Variants in KIF20A observed in about 807,000 individuals in gnomAD.
The protein encoded by KIF20A is kinesin-like protein KIF20A.
KIF20A carries 66 observed loss-of-function variants against 113.0 expected under a neutral mutation model. The ratio of observed to expected loss-of-function variants is 0.58; its 90% CI spans 0.48 to 0.72. The LOEUF is 0.72. Ranked by LOEUF, KIF20A falls within the 30% of genes least tolerant of loss-of-function variation. The probability of loss-of-function intolerance (pLI) is 0.00; values close to 1 mark genes in which losing one functional copy is unlikely to be tolerated. For synonymous variants in KIF20A, 376 were observed against 402.3 expected (o/e 0.93, Z 0.78); for missense variants, 927 against 1,077.6 (o/e 0.86, Z 1.96).
rs1234452927 is a variant in KIF20A at position 138,181,529 on chromosome 5, G to A, written c.255+18G>A. 1 of 1,614,056 alleles carries A rather than the reference G, an allele frequency of 6.2e-7. No individual in the cohort carries two copies. The highest frequency in any genetic ancestry group is 1.1e-5 in the South Asian group (1 of 91,078). Reference sequence around the variant, plus strand: ...AAGATCAGGTAAGTGTCTGAGAAGGGAGGATTCAAGGTGAAATGATGCAGT... The same window carrying A: ...AAGATCAGGTAAGTGTCTGAGAAGGAAGGATTCAAGGTGAAATGATGCAGT... On this transcript the variant is annotated intron_variant, in intron 3 of 18. Coordinates refer to ENST00000394894, the MANE Select transcript of KIF20A (RefSeq NM_005733.3).
chr5:138,179,605 G>A, intron 1 of KIF20A, 55 bp from the exon 2 acceptor site: 1 of 1,504,308 alleles, frequency 6.6e-7, no homozygotes, highest in Non-Finnish European at 9.2e-7. Context: ...AAAATTCGCG[G>A]CCCCTTCTGT....
chr5:138,184,598 A>G lies in KIF20A; in HGVS notation c.1605A>G (p.Leu535=). 1 of 1,614,184 alleles carries G rather than the reference A, an allele frequency of 6.2e-7. No homozygotes were observed. Among genetic ancestry groups the G allele is most frequent in the Non-Finnish European group, 8.5e-7 (1 of 1,180,018 alleles). ...KEHSLQVSPS[L]EKGAKADTGL... is the part of the protein sequence containing the mutation. ...ATAGTCTTCAGGTATCCCCCAGCTTAGAGAAAGGGGCTAAGGCAGACACAG... is the reference window on the plus strand; with the variant it reads ...ATAGTCTTCAGGTATCCCCCAGCTTGGAGAAAGGGGCTAAGGCAGACACAG... Residue 535 remains leucine (L), a synonymous_variant, in exon 13 of 19, where the codon TTA becomes TTG. Coordinates refer to ENST00000394894, the MANE Select transcript of KIF20A (RefSeq NM_005733.3).
At chr5:138,182,240 G>C in intron 4 of KIF20A, 83 bp from the exon 5 acceptor site, 1 of 1,497,112 alleles carries the variant, frequency 6.7e-7, no homozygotes, top group Middle Eastern at 2.2e-4. Context: ...CAACCACTCA[G>C]GAAGGAATAT....
rs1404550736 is a variant in KIF20A at position 138,182,603 on chromosome 5, G to GGTACCTGGA, written c.533_534insTACCTGGAG (p.Gly178_Ile179insThrTrpArg). 6.2e-7 allele frequency: 1 copy of GGTACCTGGA among 1,614,080 alleles called. No homozygotes were observed. The highest frequency in any genetic ancestry group is 2.2e-5 in the East Asian group (1 of 44,894). ...GCCTCCAGGTACCATCAAGGATGGA[G>GGTACCTGGA]GGATTCTCCCCCGGTCCCTGGCGCT... On this transcript the variant is annotated inframe_insertion, in exon 6 of 19. Transcript: ENST00000394894.
chr5:138,183,922 C>T lies in KIF20A; in HGVS notation c.1209-40C>T, dbSNP rs1443029261. 2.5e-6 allele frequency: 4 copies of T among 1,612,772 alleles called. No homozygotes were observed. The African/African-American group carries it at 5.3e-5, about 22-fold the overall frequency. On this transcript the variant is annotated intron_variant, in intron 10 of 18. Coordinates refer to ENST00000394894, the MANE Select transcript of KIF20A (RefSeq NM_005733.3). This position sits in a 1 kb window ranked among gnomAD's most constrained non-coding sequence, Gnocchi z 5.2. The stretch of plus-strand genomic sequence containing the variant: ...ATACAAAGGGCCAGAAGGCTCATAA[C>T]ATGTGAGGCCCTTATGTCAGATCCT...
intron 15 of KIF20A, 129 bp from the exon 16 acceptor site, chr5:138,185,383 A>G: frequency 1.1e-6 from 1 of 932,160 alleles, no homozygotes; most frequent in Non-Finnish European, 1.7e-6. Flanking sequence ...GTTGGCCAGG[A>G]AATCGTATTA....
At chr5:138,185,291 G>A (rs1754726349) in intron 15 of KIF20A, 94 bp downstream of exon 15, 1 of 905,360 alleles carries the variant, frequency 1.1e-6, no homozygotes, top group African/African-American at 1.7e-5. Flanking sequence ...TCCAGTAAGG[G>A]CAGGAATATA....
intron 2 of KIF20A, among the ~76,000 whole-genome samples, chr5:138,180,114 T>G (rs1453297353): frequency 6.6e-6 from 1 of 152,240 alleles, no homozygotes; most frequent in Non-Finnish European, 1.5e-5. Flanking sequence ...TGCTCTTAGT[T>G]AATCTTTCAG....
At position 138,187,285 on chromosome 5, in the gene KIF20A, T is replaced by A. The variant is rs749678451; in HGVS notation, c.2545T>A (p.Phe849Ile). The A allele has an allele frequency of 6.2e-7, 1 of 1,614,002 alleles. No homozygotes were observed. Among genetic ancestry groups the A allele is most frequent in the African/African-American group, 1.3e-5 (1 of 74,920 alleles). Residue 849 changes from phenylalanine to isoleucine, a missense_variant, in exon 19 of 19, where the codon TTC becomes ATC. Phe to Ile is a conservative substitution (Grantham distance 21). Coordinates refer to ENST00000394894, the MANE Select transcript of KIF20A (RefSeq NM_005733.3). Reference protein sequence around the residue: ...PNQQPPGKKPFLRNLLPRTPT... With the variant: ...PNQQPPGKKPILRNLLPRTPT... ...CCAACAACCACCAGGGAAGAAACCA[T>A]TCCTTCGAAATTTACTTCCCCGAAC...
chr5:138,185,625 G>A lies in KIF20A; in HGVS notation c.2040G>A (p.Leu680=). 1 of 1,614,172 alleles carries A rather than the reference G, an allele frequency of 6.2e-7. No individual in the cohort carries two copies. Among genetic ancestry groups the A allele is most frequent in the South Asian group, 1.1e-5 (1 of 91,086 alleles). Residue 680 remains leucine, a synonymous_variant, in exon 16 of 19, where the codon TTG becomes TTA. Coordinates refer to ENST00000394894, the MANE Select transcript of KIF20A (RefSeq NM_005733.3). The part of the protein sequence containing the change: ...SELALRRSQR[L]AASASTQQLQ... The stretch of plus-strand genomic sequence containing the variant: ...TGGCCCTACGGCGGTCACAAAGGTT[G>A]GCAGCTTCTGCCTCCACCCAGCAGC...
Position 138,186,281 on chromosome 5 carries a change from T to C in KIF20A, c.2218-13T>C. The C allele has an allele frequency of 3.8e-6, 6 of 1,585,510 alleles. No individual in the cohort carries two copies. Among genetic ancestry groups the C allele is most frequent in the Non-Finnish European group, 5.1e-6 (6 of 1,171,412 alleles). On this transcript the variant is annotated splice_polypyrimidine_tract_variant and intron_variant, in intron 17 of 18. Transcript: ENST00000394894. ...TCTTGGCCACAATATGATTCCTACT[T>C]CCCCTTTTTCAGAATATAAGGCTGT... is the stretch of plus-strand genomic sequence containing the variant.
rs1217707632 is a variant in KIF20A, at chr5:138,181,404, G to A, written c.166-18G>A. ...TGCTGAAATTAATCTGTGGTTCTGG[G>A]CTGGGATTCTGCCACAGGTTCCATC... is the stretch of plus-strand genomic sequence containing the variant. On this transcript the variant is annotated intron_variant, in intron 2 of 18. Coordinates refer to ENST00000394894, the MANE Select transcript of KIF20A (RefSeq NM_005733.3). 6.2e-7 allele frequency: 1 copy of A among 1,609,630 alleles called. No individual in the cohort carries two copies. The highest frequency in any genetic ancestry group is 8.5e-7 in the Non-Finnish European group (1 of 1,175,916).
intron 13 of KIF20A, 22 bp downstream of exon 13, chr5:138,184,698 A>G: frequency 1.2e-6 from 2 of 1,612,578 alleles, no homozygotes; most frequent in African/African-American, 2.7e-5. Context: ...AGAAAGCTTT[A>G]GTGTAGCAGC....
chr5:138,184,028 G>A lies in KIF20A; in HGVS notation c.1275G>A (p.Lys425=). Residue 425 remains lysine (K), a synonymous_variant, in exon 11 of 19, where the codon AAG becomes AAA. Coordinates refer to ENST00000394894, the MANE Select transcript of KIF20A (RefSeq NM_005733.3). ...ATCAGAAGAGTGGTGAACGGTTGAA[G>A]GAAGCAGGAAACATTAACACCTCTC... ...CKDQKSGERL[K]EAGNINTSLH... 1 of 1,614,156 alleles carries A rather than the reference G, an allele frequency of 6.2e-7. No individual in the cohort carries two copies. Among genetic ancestry groups the A allele is most frequent in the East Asian group, 2.2e-5 (1 of 44,872 alleles).
In KIF20A at chr5:138,183,293, G is replaced by T. The variant is rs369402135; in HGVS notation, c.957G>T (p.Pro319=). 29 of 1,614,062 alleles carry T rather than the reference G, an allele frequency of 1.8e-5. No homozygotes were observed. Among genetic ancestry groups the T allele is most frequent in the Non-Finnish European group, 2.4e-5 (28 of 1,180,032 alleles). Residue 319 remains proline, a synonymous_variant, in exon 8 of 19, where the codon CCG becomes CCT. Coordinates refer to ENST00000394894, the MANE Select transcript of KIF20A (RefSeq NM_005733.3). The surrounding 1 kb of genome is among the most constrained non-coding windows in gnomAD (Gnocchi z 5.2). ...AACTGCTTTATGACCTATTAGAACC[G>T]CCTAGCCAACAGCGCAAGAGGCAGA... is the stretch of plus-strand genomic sequence containing the variant. The part of the protein sequence containing the change: ...YNELLYDLLE[P]PSQQRKRQTL...
In KIF20A at chr5:138,185,997, C is replaced by T; in HGVS notation, c.2162C>T (p.Pro721Leu). The change falls in exon 17 of 19, where the codon CCC becomes CTC. Residue 721 changes from proline to leucine, a missense_variant. Pro to Leu is a moderately conservative substitution (Grantham distance 98). Transcript: ENST00000394894. ...HKYQKMLEPP[P>L]SAKPFTIDVD... is the part of the protein sequence containing the mutation. ...TATCAGAAAATGTTAGAACCACCAC[C>T]CTCAGCCAAGCCCTTCACCATTGAT... 3.7e-6 allele frequency: 6 copies of T among 1,614,130 alleles called. No individual in the cohort carries two copies. Among genetic ancestry groups the T allele is most frequent in the Non-Finnish European group, 5.1e-6 (6 of 1,180,002 alleles).
chr5:138,182,811 T>C, intron 6 of KIF20A, 38 bp downstream of exon 6: 1 of 1,613,514 alleles, frequency 6.2e-7, no homozygotes, highest in South Asian at 1.1e-5. Context: ...GGGTAGGGGG[T>C]ACAAATCTCG....
In KIF20A at chr5:138,187,421, G is replaced by A; in HGVS notation, c.*8G>A. ...TTTGGCAAAAAGTACTAAGGCTGTG[G>A]GGAAAGAGAAGAGCAGTCATGGCCC... On this transcript the variant is annotated 3_prime_UTR_variant, in exon 19 of 19. Coordinates refer to ENST00000394894, the MANE Select transcript of KIF20A (RefSeq NM_005733.3). 1 of 1,607,734 alleles carries A rather than the reference G, an allele frequency of 6.2e-7. No individual in the cohort carries two copies. The highest frequency in any genetic ancestry group is 8.5e-7 in the Non-Finnish European group (1 of 1,175,880).
chr5:138,181,925 A>G, intron 4 of KIF20A, 197 bp downstream of exon 4: 1 of 622,488 alleles, frequency 1.6e-6, no homozygotes, highest in Non-Finnish European at 2.8e-6. Context: ...TATTGTTATT[A>G]TCATTATTTC....
Sources: allele counts gnomAD v4.1 joint callset (sites outside exome capture counted in the v4.1 genomes callset), GRCh38; gene constraint gnomAD v4.1.1; non-coding constraint Gnocchi (gnomAD v3.1); transcripts MANE v1.5; gene names NCBI Gene and HGNC (gene_info 2026-07-23, HGNC 2026-07-21).